The following AP1S3 variants were observed in gnomAD, a reference collection of about 807,000 sequenced individuals.
The protein encoded by AP1S3 is AP-1 complex subunit sigma-3.
In AP1S3, 10 loss-of-function variants were observed where a neutral mutation model predicts 20.9. The ratio of observed to expected loss-of-function variants is 0.48; its 90% CI spans 0.29 to 0.81. AP1S3 has a LOEUF of 0.81. Ranked by LOEUF, AP1S3 falls within the 30% of genes least tolerant of loss-of-function variation. AP1S3 has a pLI of 0.08. For synonymous variants in AP1S3, 41 were observed against 61.5 expected, an observed-to-expected ratio of 0.67 and a Z score of 1.56; for missense variants, 154 against 183.8, an observed-to-expected ratio of 0.84 and a Z score of 0.94.
At chr2:223,832,087 A>C (rs1559149444) in intron 1 of AP1S3, among the ~76,000 whole-genome samples, 2 of 135,580 alleles carry the variant, frequency 1.5e-5, no homozygotes, top group Admixed American at 8.1e-5. Context: ...AAAAAAAAAA[A>C]AATCAAAAAA....
chr2:223,794,622 T>C (rs958767786), intron 1 of AP1S3, among the ~76,000 whole-genome samples: 6 of 152,184 alleles, frequency 3.9e-5, no homozygotes, highest in Admixed American at 2.6e-4. Flanking sequence ...TGCCCTCTTC[T>C]TTCTGCTAGA....
chr2:223,795,590 AAGGGGCCAGG>A (rs112267094), intron 1 of AP1S3, among the ~76,000 whole-genome samples: 96,031 of 151,776 alleles, frequency 0.63, 31,494 homozygotes, highest in East Asian at 0.86. Context: ...GGCCAGGCAG[AAGGGGCCAGG>A]AGGCGCCAGG....
chr2:223,832,754 C>T (rs1433414904), intron 1 of AP1S3, among the ~76,000 whole-genome samples: 1 of 151,890 alleles, frequency 6.6e-6, no homozygotes, highest in Non-Finnish European at 1.5e-5. Context: ...TCCACCCTCA[C>T]CCTCAACAAC....
At chr2:223,820,693 A>G (rs1250497793) in intron 1 of AP1S3, among the ~76,000 whole-genome samples, 3 of 151,216 alleles carry the variant, frequency 2.0e-5, no homozygotes, top group Non-Finnish European at 4.4e-5. Flanking sequence ...AACAAGCCAG[A>G]CCTTCCTGGA....
At chr2:223,810,977 A>G (rs1362432347) in intron 1 of AP1S3, among the ~76,000 whole-genome samples, 1 of 152,004 alleles carries the variant, frequency 6.6e-6, no homozygotes, top group East Asian at 1.9e-4. Flanking sequence ...TTTGTGATAA[A>G]ATATACATAA....
intron 1 of AP1S3, among the ~76,000 whole-genome samples, chr2:223,811,661 T>C (rs577298366): frequency 1.3e-4 from 20 of 152,320 alleles, no homozygotes; most frequent in Non-Finnish European, 2.4e-4. Context: ...CATTTCCATC[T>C]AATACAACTA....
At chr2:223,768,258 C>A (rs1376799879) in intron 3 of AP1S3, among the ~76,000 whole-genome samples, 2 of 152,118 alleles carry the variant, frequency 1.3e-5, no homozygotes, top group Non-Finnish European at 2.9e-5. Flanking sequence ...AATTGTGTCC[C>A]CAAATGTCCT....
chr2:223,833,253 C>CATAT (rs1459355101), intron 1 of AP1S3, among the ~76,000 whole-genome samples: 2 of 150,874 alleles, frequency 1.3e-5, no homozygotes, highest in African/African-American at 4.9e-5. Flanking sequence ...TACATACATA[C>CATAT]ATACATACAT....
intron 1 of AP1S3, among the ~76,000 whole-genome samples, chr2:223,825,095 GT>G (rs1410179681): frequency 6.6e-6 from 1 of 151,834 alleles, no homozygotes; most frequent in Non-Finnish European, 1.5e-5. Context: ...GGAGCACGAG[GT>G]CAGGAGATCT....
At chr2:223,816,437 C>T (rs947408659) in intron 1 of AP1S3, among the ~76,000 whole-genome samples, 1 of 152,100 alleles carries the variant, frequency 6.6e-6, no homozygotes, top group Non-Finnish European at 1.5e-5. Flanking sequence ...GCCATGAACA[C>T]GTAGCTTTGC....
chr2:223,756,988 CTTTTTTTTT>C lies in AP1S3; in HGVS notation c.*1718_*1726del, dbSNP rs531434125. ...AGAATACTACAAGCTTTTACTTTTT[CTTTTTTTTT>C]TTTTTTTTCTTGAGACGCAGTCTTG... On this transcript the variant is annotated 3_prime_UTR_variant, in exon 5 of 5. Transcript: ENST00000396654. 2.8e-6 allele frequency: 2 copies of C among 712,886 alleles called. No individual in the cohort carries two copies. The highest frequency in any genetic ancestry group is 1.3e-4 in the South Asian group (2 of 15,802). The allele number at this position is 712,886 out of a possible 1,614,324, so 44.2% of individuals were successfully genotyped here.
At chr2:223,835,376 G>T (rs917870948) in intron 1 of AP1S3, among the ~76,000 whole-genome samples, 1 of 152,188 alleles carries the variant, frequency 6.6e-6, no homozygotes, top group East Asian at 1.9e-4. Context: ...ATGTTTCCCC[G>T]CCAGGTGCGG....
intron 1 of AP1S3, among the ~76,000 whole-genome samples, chr2:223,812,709 T>G (rs1423599124): frequency 6.6e-6 from 1 of 152,136 alleles, no homozygotes; most frequent in Admixed American, 6.6e-5. Context: ...TTAAGAGAAT[T>G]TGGAAGGTAT....
chr2:223,761,626 A>G (rs1010425949), intron 4 of AP1S3, among the ~76,000 whole-genome samples: 6 of 152,090 alleles, frequency 3.9e-5, no homozygotes, highest in Non-Finnish European at 7.4e-5. Flanking sequence ...GGTTCTCACT[A>G]TGTTGCCTAG....
chr2:223,827,896 T>G (rs1157725933), intron 1 of AP1S3, among the ~76,000 whole-genome samples: 2 of 150,984 alleles, frequency 1.3e-5, no homozygotes, highest in Non-Finnish European at 3.0e-5. Context: ...CACGTCCTAC[T>G]TAAAATACAA....
chr2:223,831,802 C>T (rs1225213451), intron 1 of AP1S3, among the ~76,000 whole-genome samples: 6 of 152,152 alleles, frequency 3.9e-5, no homozygotes, highest in Non-Finnish European at 8.8e-5. Context: ...GTTGGCCGGG[C>T]ACGGTGGCTC....
chr2:223,794,090 T>G (rs965572266), intron 1 of AP1S3, among the ~76,000 whole-genome samples: 2 of 152,200 alleles, frequency 1.3e-5, no homozygotes, highest in Non-Finnish European at 2.9e-5. Flanking sequence ...TACAATAGGT[T>G]TCTTAATTCC....
intron 1 of AP1S3, among the ~76,000 whole-genome samples, chr2:223,787,689 A>G (rs1362022501): frequency 6.6e-6 from 1 of 152,340 alleles, no homozygotes; most frequent in East Asian, 1.9e-4. Flanking sequence ...CGAGTAACTG[A>G]CATGTGCCAC....
intron 1 of AP1S3, among the ~76,000 whole-genome samples, chr2:223,813,228 T>C (rs1691774314): frequency 6.6e-6 from 1 of 152,074 alleles, no homozygotes; most frequent in East Asian, 1.9e-4. Flanking sequence ...AGTACAGGAG[T>C]GAGCCACCAT....
Sources: allele counts gnomAD v4.1 joint callset (sites outside exome capture counted in the v4.1 genomes callset), GRCh38; gene constraint gnomAD v4.1.1; transcripts MANE v1.5; gene names NCBI Gene and HGNC (gene_info 2026-07-23, HGNC 2026-07-21).